ATP9B: variants seen among roughly 807,000 people sequenced by gnomAD.
ATP9B encodes the protein probable phospholipid-transporting ATPase IIB.
Under a neutral mutation model 146.1 loss-of-function variants are expected in ATP9B, and 110 were observed. The observed-to-expected ratio is 0.75, with a 90% CI of 0.65 to 0.88. The LOEUF is 0.88. Among genes scored for constraint, ATP9B ranks in the 40% least tolerant of loss-of-function variants. ATP9B has a pLI of 0.00. For missense variants in ATP9B, 1,499 were observed against 1,496.4 expected, an observed-to-expected ratio of 1.00 and a Z score of -0.03; for synonymous variants, 604 against 569.7, an observed-to-expected ratio of 1.06 and a Z score of -0.86.
intron 15 of ATP9B, among the ~76,000 whole-genome samples, chr18:79,308,399 A>C (rs1193759661): frequency 6.6e-6 from 1 of 152,224 alleles, no homozygotes; most frequent in African/African-American, 2.4e-5. Context: ...CCAAATGTCT[A>C]TCAGCTATCA....
At chr18:79,336,742 T>G in intron 18 of ATP9B, 31 bp downstream of exon 18, 2 of 1,603,834 alleles carry the variant, frequency 1.2e-6, no homozygotes, top group Non-Finnish European at 1.7e-6. Context: ...CCCATCCTCC[T>G]ACGACGTTTC....
chr18:79,290,665 G>A (rs769497964), intron 13 of ATP9B, among the ~76,000 whole-genome samples: 20 of 152,178 alleles, frequency 1.3e-4, no homozygotes, highest in South Asian at 6.2e-4. Flanking sequence ...AGATGAACCC[G>A]GTACCTCAGA....
intron 3 of ATP9B, among the ~76,000 whole-genome samples, chr18:79,112,000 C>T (rs1009413220): frequency 3.3e-5 from 5 of 152,134 alleles, no homozygotes; most frequent in Non-Finnish European, 7.4e-5. Context: ...CACTTTATTT[C>T]CTGCTGAGAT....
Position 79,306,992 on chromosome 18 carries a change from T to A in ATP9B, c.1531T>A (p.Ser511Thr). 6.2e-7 allele frequency: 1 copy of A among 1,614,136 alleles called. No homozygotes were observed. ...HVRDSYSQMQ[S>T]QAGGNNTGST... ...GACGTTTCATATTCTAAAGATGCAG[T>A]CTCAAGCTGGTGGAAACAATACTGG... The change falls in exon 15 of 30, where the codon TCT becomes ACT. Residue 511 changes from serine (S) to threonine (T), a missense_variant. Ser to Thr is a moderately conservative substitution (Grantham distance 58). Coordinates refer to ENST00000426216, the MANE Select transcript of ATP9B (RefSeq NM_198531.5).
At chr18:79,104,133 C>CCTA (rs1210626355) in intron 2 of ATP9B, among the ~76,000 whole-genome samples, 2 of 152,092 alleles carry the variant, frequency 1.3e-5, no homozygotes, top group Non-Finnish European at 2.9e-5. Context: ...CGAAGAAGAC[C>CCTA]CTGATTTGCT....
chr18:79,304,678 T>C (rs772381310), intron 14 of ATP9B, among the ~76,000 whole-genome samples: 3 of 152,190 alleles, frequency 2.0e-5, no homozygotes, highest in Non-Finnish European at 4.4e-5. Flanking sequence ...GCCTCATTCC[T>C]GCTGTAGGCA....
rs1317562600 is a variant in ATP9B at position 79,239,228 on chromosome 18, C to G, written c.1108-14153C>G. Among the ~76,000 whole-genome samples, 1 of 152,136 alleles carries G rather than the reference C, an allele frequency of 6.6e-6. No homozygotes were observed. The highest frequency in any genetic ancestry group is 1.5e-5 in the Non-Finnish European group (1 of 68,022). Reference sequence around the variant, plus strand: ...TGTCTGGGGCGAGACAGGGCCTGGCCCTGGTGGACTGTGGACTGTGGACCA... The same window carrying G: ...TGTCTGGGGCGAGACAGGGCCTGGCGCTGGTGGACTGTGGACTGTGGACCA... On this transcript the variant is annotated intron_variant, in intron 11 of 29. Transcript: ENST00000426216. This position sits in a 1 kb window ranked among gnomAD's most constrained non-coding sequence, Gnocchi z 5.1.
chr18:79,345,937 T>G, intron 23 of ATP9B, 98 bp downstream of exon 23: 2 of 1,303,844 alleles, frequency 1.5e-6, no homozygotes, highest in South Asian at 2.4e-5. Context: ...ACCTACTTGG[T>G]CAGTGCACGT....
rs35068639 is a variant in ATP9B at position 79,253,455 on chromosome 18, T to A, written c.1182T>A (p.Val394=). Residue 394 remains valine (V), a synonymous_variant, in exon 12 of 30, where the codon GTT becomes GTA. Transcript: ENST00000426216. ...TGGCTTTAGTTGCTCTTTCCATTGT[T>A]ATGGTAACCTTACAAGGATTTGTGG... ...LFLALVALSI[V]MVTLQGFVGP... 8 of 1,613,746 alleles carry A rather than the reference T, an allele frequency of 5.0e-6. No homozygotes were observed. The African/African-American group carries it at 8.0e-5, about 16-fold the overall frequency.
At chr18:79,119,296 G>C (rs564875625) in intron 4 of ATP9B, among the ~76,000 whole-genome samples, 2 of 152,146 alleles carry the variant, frequency 1.3e-5, no homozygotes, top group Non-Finnish European at 2.9e-5. Flanking sequence ...CAAAATTGAT[G>C]ATCTTGGCCA....
chr18:79,221,211 CCT>C (rs1474349499), intron 11 of ATP9B, among the ~76,000 whole-genome samples: 9 of 152,138 alleles, frequency 5.9e-5, no homozygotes, highest in Admixed American at 5.9e-4. Context: ...GTCTTCAGCC[CCT>C]GATGGGCCCT....
chr18:79,323,199 C>T (rs1003604321), intron 15 of ATP9B, among the ~76,000 whole-genome samples: 3 of 149,592 alleles, frequency 2.0e-5, no homozygotes, highest in African/African-American at 5.0e-5. Context: ...GTTAGTAATC[C>T]TCCGTTTATC....
chr18:79,142,771 A>G (rs1428801217), intron 5 of ATP9B, among the ~76,000 whole-genome samples: 5 of 152,222 alleles, frequency 3.3e-5, no homozygotes, highest in Admixed American at 3.3e-4. Flanking sequence ...TAATGCATAT[A>G]AAAGTTTTGA....
chr18:79,085,344 A>G (rs1240344262), intron 1 of ATP9B: 1 of 152,244 alleles, frequency 6.6e-6, no homozygotes, highest in Non-Finnish European at 1.5e-5. Context: ...TGCAGGGGAC[A>G]CACATCCAAA....
At position 79,113,354 on chromosome 18, in the gene ATP9B, GGTAAGAA is replaced by G. The variant is rs751823479; in HGVS notation, c.558+1_558+7del. 1 of 1,478,292 alleles carries G rather than the reference GGTAAGAA, an allele frequency of 6.8e-7. No homozygotes were observed. Among genetic ancestry groups the G allele is most frequent in the African/African-American group, 1.4e-5 (1 of 71,016 alleles). The allele number at this position is 1,478,292 out of a possible 1,614,324, so 91.6% of individuals were successfully genotyped here. A position where few individuals can be genotyped will look rare whatever the true frequency, so the allele number is the denominator to read the frequency against. ...ATCTCTACACCTACTGGGCTCCTCT[GGTAAGAA>G]AAGACTTTAAAAATTAAGTTAAATT... On this transcript the variant is annotated splice_donor_variant and splice_donor_5th_base_variant and intron_variant, in intron 4 of 29. Transcript: ENST00000426216. LOFTEE classifies it high-confidence loss of function.
intron 7 of ATP9B, among the ~76,000 whole-genome samples, chr18:79,175,149 C>T (rs1358817934): frequency 2.1e-4 from 31 of 148,842 alleles, no homozygotes; most frequent in African/African-American, 7.7e-4. Flanking sequence ...TGCAGTGAGC[C>T]GCGATTGTGC....
rs1318406260 is a variant in ATP9B, at chr18:79,274,133, C to CTAGGT, written c.1269-2919_1269-2918insGGTTA. ...GTATTGATTACTTTATAATCTATTT[C>CTAGGT]TATAATTCTCAAAATACTAGGTTTA... On this transcript the variant is annotated intron_variant, in intron 12 of 29. Coordinates refer to ENST00000426216, the MANE Select transcript of ATP9B (RefSeq NM_198531.5). Among the ~76,000 whole-genome samples the CTAGGT allele has an allele frequency of 4.6e-5, 7 of 152,136 alleles. 1 individual carries two copies. Among genetic ancestry groups the CTAGGT allele is most frequent in the African/African-American group, 1.7e-4 (7 of 41,480 alleles).
chr18:79,124,473 TG>T (rs1247965293), intron 4 of ATP9B, among the ~76,000 whole-genome samples: 1 of 152,290 alleles, frequency 6.6e-6, no homozygotes, highest in Non-Finnish European at 1.5e-5. Context: ...TGCCGTGCCA[TG>T]CCTGCCTTCT....
chr18:79,314,791 C>A lies in ATP9B; in HGVS notation c.1773+7557C>A, dbSNP rs369272324. Among the ~76,000 whole-genome samples, 364 of 152,274 alleles carry A rather than the reference C, an allele frequency of 2.4e-3. 1 individual carries two copies. Among genetic ancestry groups the A allele is most frequent in the South Asian group, 6.4e-3 (31 of 4,826 alleles). ...TTCCCTCACAGAATTAAAATTCAGC[C>A]CTGTTTAACTGTTAGGGCATATGTC... On this transcript the variant is annotated intron_variant, in intron 15 of 29. Coordinates refer to ENST00000426216, the MANE Select transcript of ATP9B (RefSeq NM_198531.5).
Sources: allele counts gnomAD v4.1 joint callset (sites outside exome capture counted in the v4.1 genomes callset), GRCh38; gene constraint gnomAD v4.1.1; non-coding constraint Gnocchi (gnomAD v3.1); transcripts MANE v1.5; gene names NCBI Gene and HGNC (gene_info 2026-07-23, HGNC 2026-07-21).